Variants in SCN8A observed in about 807,000 individuals in gnomAD.
The protein encoded by SCN8A is sodium voltage-gated channel alpha subunit 8.
SCN8A carries 30 observed loss-of-function variants against 184.1 expected under a neutral mutation model. The ratio of observed to expected loss-of-function variants is 0.16; its 90% CI spans 0.12 to 0.22. SCN8A has a LOEUF of 0.22. Ranked by LOEUF, SCN8A falls within the 10% of genes least tolerant of loss-of-function variation. SCN8A has a pLI of 1.00. For missense variants in SCN8A, 1,057 were observed against 2,498.9 expected, an observed-to-expected ratio of 0.42 and a Z score of 12.30; for synonymous variants, 852 against 907.0, an observed-to-expected ratio of 0.94 and a Z score of 1.09.
chr12:51,769,217 C>T lies in SCN8A; in HGVS notation c.3254C>T (p.Ser1085Phe), dbSNP rs1434185294. ...TACATCATTGATGAGGACCACATGTCCTTCATCAACAACCCCAACTTGACT... is the reference window on the plus strand; with the variant it reads ...TACATCATTGATGAGGACCACATGTTCTTCATCAACAACCCCAACTTGACT... Reference protein sequence around the residue: ...EKYIIDEDHMSFINNPNLTVR... With the variant: ...EKYIIDEDHMFFINNPNLTVR... Residue 1085 changes from serine (S) to phenylalanine (F), a missense_variant, in exon 17 of 27, where the codon TCC (serine) becomes TTC (phenylalanine). Coordinates refer to ENST00000627620, the MANE Select transcript of SCN8A (RefSeq NM_001330260.2). The T allele has an allele frequency of 6.2e-7, 1 of 1,613,954 alleles. No homozygotes were observed. Among genetic ancestry groups the T allele is most frequent in the Non-Finnish European group, 8.5e-7 (1 of 1,179,856 alleles).
In SCN8A at chr12:51,794,509, T is replaced by C; in HGVS notation, c.4663T>C (p.Tyr1555His). The change falls in exon 26 of 27, where the codon TAC becomes CAC. Residue 1555 changes from tyrosine (Y) to histidine (H), a missense_variant. Physicochemically the swap from Tyr to His is moderately conservative, Grantham distance 83. This residue lies in a region of SCN8A where 34 missense variants were observed against 64.0 expected (regional missense o/e 0.53). Coordinates refer to ENST00000627620, the MANE Select transcript of SCN8A (RefSeq NM_001330260.2). The stretch of plus-strand genomic sequence containing the variant: ...AAGCAAGCAGATGGAGAACATCCTC[T>C]ACTGGATTAACCTGGTGTTTGTTAT... ...TQSKQMENIL[Y>H]WINLVFVIFF... The C allele has an allele frequency of 1.2e-6, 2 of 1,614,062 alleles. No homozygotes were observed. The highest frequency in any genetic ancestry group is 1.7e-6 in the Non-Finnish European group (2 of 1,179,900).
chr12:51,793,042 C>T (rs1327631832), intron 25 of SCN8A, among the ~76,000 whole-genome samples: 1 of 152,140 alleles, frequency 6.6e-6, no homozygotes, highest in Non-Finnish European at 1.5e-5. Flanking sequence ...AGCCACCGCA[C>T]CTGGCCATGA....
chr12:51,712,503 A>T, intron 11 of SCN8A: 2 of 770,992 alleles, frequency 2.6e-6, no homozygotes, highest in Admixed American at 1.7e-5. Flanking sequence ...CCACCACTAG[A>T]TGCATAACCA....
At chr12:51,780,617 T>TTG in intron 20 of SCN8A, 32 bp from the exon 21 acceptor site, 2 of 933,422 alleles carry the variant, frequency 2.1e-6, no homozygotes, top group Non-Finnish European at 3.0e-6. Flanking sequence ...TTACCTTTTT[T>TTG]GTTTTTGTTT....
At chr12:51,678,820 G>A (rs992698063) in intron 2 of SCN8A, among the ~76,000 whole-genome samples, 15 of 152,286 alleles carry the variant, frequency 9.8e-5, no homozygotes, top group Admixed American at 9.8e-4. Context: ...GCTCACGCCT[G>A]TAATCCCAGC....
intron 23 of SCN8A, among the ~76,000 whole-genome samples, 170 bp downstream of exon 23, chr12:51,788,918 T>A (rs960558265): frequency 5.3e-5 from 8 of 152,180 alleles, no homozygotes; most frequent in African/African-American, 1.9e-4. Context: ...TTTCCTCGTC[T>A]CAGTAAGTCA....
chr12:51,755,685 C>T (rs1020593351), intron 14 of SCN8A, among the ~76,000 whole-genome samples: 27 of 152,014 alleles, frequency 1.8e-4, no homozygotes, highest in African/African-American at 6.0e-4. Context: ...GCTATGGGAG[C>T]AGCATGCAGC....
chr12:51,794,722 A>G, intron 26 of SCN8A, 81 bp downstream of exon 26: 1 of 1,402,156 alleles, frequency 7.1e-7, no homozygotes, highest in Non-Finnish European at 9.8e-7. Flanking sequence ...AGAGGAATGA[A>G]TGACACAGGT....
At chr12:51,729,516 G>T (rs1942207988) in intron 12 of SCN8A, among the ~76,000 whole-genome samples, 1 of 152,142 alleles carries the variant, frequency 6.6e-6, no homozygotes, top group African/African-American at 2.4e-5. Context: ...TGTTATTGCT[G>T]AGTGGTATTT....
intron 1 of SCN8A, among the ~76,000 whole-genome samples, chr12:51,599,142 A>G (rs1939411116): frequency 6.6e-6 from 1 of 152,180 alleles, no homozygotes; most frequent in South Asian, 2.1e-4. Context: ...CGCCTGCTTG[A>G]CCACATCAGT....
At chr12:51,709,290 G>C (rs1586097) in intron 11 of SCN8A, among the ~76,000 whole-genome samples, 1 of 152,178 alleles carries the variant, frequency 6.6e-6, no homozygotes, top group Admixed American at 6.5e-5. Context: ...CCTGAGCTGA[G>C]AGGTGGTGAT....
At chr12:51,750,064 A>T (rs966332150) in intron 13 of SCN8A, among the ~76,000 whole-genome samples, 6 of 152,172 alleles carry the variant, frequency 3.9e-5, no homozygotes, top group Admixed American at 1.3e-4. Context: ...TGTAACTGCC[A>T]GTTGAGTGTC....
intron 21 of SCN8A, 38 bp downstream of exon 21, chr12:51,780,809 G>C (rs1301116851): frequency 6.5e-7 from 1 of 1,540,870 alleles, no homozygotes; most frequent in Admixed American, 2.3e-5. Flanking sequence ...CTGCATGCCA[G>C]TGGAAACTGT....
intron 1 of SCN8A, among the ~76,000 whole-genome samples, chr12:51,650,595 C>T (rs903698115): frequency 4.0e-5 from 6 of 151,606 alleles, no homozygotes; most frequent in Non-Finnish European, 8.8e-5. Context: ...AGCAGGCCCC[C>T]CAAAATCTGG....
At chr12:51,738,653 G>T (rs941926067) in intron 12 of SCN8A, among the ~76,000 whole-genome samples, 1 of 152,028 alleles carries the variant, frequency 6.6e-6, no homozygotes, top group Non-Finnish European at 1.5e-5. Context: ...TGTGCTATGC[G>T]CTCTCCTGGC....
At chr12:51,711,115 A>G (rs1001538804) in intron 11 of SCN8A, among the ~76,000 whole-genome samples, 7 of 152,202 alleles carry the variant, frequency 4.6e-5, no homozygotes, top group Admixed American at 1.3e-4. Context: ...TGGGGAAAGT[A>G]TGATAGTAGC....
intron 2 of SCN8A, among the ~76,000 whole-genome samples, chr12:51,664,389 G>A (rs1346243192): frequency 6.6e-6 from 1 of 152,064 alleles, no homozygotes; most frequent in Non-Finnish European, 1.5e-5. Context: ...TGTATTTTTA[G>A]TAGAGATGGG....
chr12:51,601,481 C>T (rs1939462689), intron 1 of SCN8A, among the ~76,000 whole-genome samples: 1 of 151,452 alleles, frequency 6.6e-6, no homozygotes. Context: ...AAACTTCACC[C>T]ATAAGTGCCC....
intron 20 of SCN8A, among the ~76,000 whole-genome samples, chr12:51,779,466 A>AG (rs1937827081): frequency 6.6e-6 from 1 of 152,158 alleles, no homozygotes; most frequent in East Asian, 1.9e-4. Context: ...CTAAGCCTGG[A>AG]GGTCTGCAGG....
Sources: allele counts gnomAD v4.1 joint callset (sites outside exome capture counted in the v4.1 genomes callset), GRCh38; gene constraint gnomAD v4.1.1; regional missense constraint gnomAD v4.1.1; transcripts MANE v1.5; gene names NCBI Gene and HGNC (gene_info 2026-07-23, HGNC 2026-07-21).